The following ALK variants were observed in gnomAD, a reference collection of about 807,000 sequenced individuals.
ALK encodes the protein ALK tyrosine kinase receptor.
In ALK, 74 loss-of-function variants were observed where a neutral mutation model predicts 163.1. The ratio of observed to expected loss-of-function variants is 0.45; its 90% CI spans 0.38 to 0.55. The LOEUF (loss-of-function observed/expected upper bound fraction) is 0.55. Among genes scored for constraint, ALK ranks in the 20% least tolerant of loss-of-function variants. ALK has a pLI of 0.00. For synonymous variants in ALK, 960 were observed against 843.2 expected (o/e 1.14, Z -2.40); for missense variants, 2,063 against 2,105.3 (o/e 0.98, Z 0.39).
chr2:29,427,837 A>G (rs1027695226), intron 4 of ALK, among the ~76,000 whole-genome samples: 2 of 152,108 alleles, frequency 1.3e-5, no homozygotes, highest in African/African-American at 2.4e-5. Context: ...ATCTTCTTAA[A>G]TGCACAGGAA....
chr2:29,288,501 TCAGGTGGCC>T lies in ALK; in HGVS notation c.1817+8378_1817+8386del, dbSNP rs1227300402. Among the ~76,000 whole-genome samples the T allele has an allele frequency of 3.9e-5, 6 of 152,318 alleles. No homozygotes were observed. The East Asian group carries it at 1.2e-3, about 29-fold the overall frequency. ...GACCTCTTCACGGCTGACAGGGTCT[TCAGGTGGCC>T]CAGGCCTAGGCGCCATAGCACAGTT... is the stretch of plus-strand genomic sequence containing the variant. On this transcript the variant is annotated intron_variant, in intron 9 of 28. Coordinates refer to ENST00000389048, the MANE Select transcript of ALK (RefSeq NM_004304.5).
intron 3 of ALK, among the ~76,000 whole-genome samples, chr2:29,554,549 G>A (rs1200138788): frequency 1.3e-5 from 2 of 152,190 alleles, no homozygotes; most frequent in African/African-American, 4.8e-5. Context: ...GTAACCACTT[G>A]AATATCTGGA....
chr2:29,463,175 G>C (rs896842796), intron 4 of ALK, among the ~76,000 whole-genome samples: 43 of 152,180 alleles, frequency 2.8e-4, no homozygotes, highest in Non-Finnish European at 5.9e-4. Flanking sequence ...TTAGACCTTA[G>C]ATGGATTTTT....
At chr2:29,540,187 A>T (rs972891452) in intron 3 of ALK, among the ~76,000 whole-genome samples, 3 of 152,124 alleles carry the variant, frequency 2.0e-5, no homozygotes, top group Non-Finnish European at 4.4e-5. Context: ...GTCTGACCTG[A>T]TATCTTTTCT....
intron 6 of ALK, among the ~76,000 whole-genome samples, chr2:29,322,282 C>A (rs1199252237): frequency 6.6e-6 from 1 of 152,256 alleles, no homozygotes; most frequent in Non-Finnish European, 1.5e-5. Flanking sequence ...ATTCTCTGTG[C>A]ATTTCACACA....
intron 1 of ALK, among the ~76,000 whole-genome samples, chr2:29,827,337 C>T (rs900872500): frequency 5.9e-5 from 9 of 152,208 alleles, no homozygotes; most frequent in Non-Finnish European, 8.8e-5. Flanking sequence ...ATGCAAAACC[C>T]AATTGACCTT....
At chr2:29,288,285 C>T (rs999980417) in intron 9 of ALK, among the ~76,000 whole-genome samples, 12 of 152,132 alleles carry the variant, frequency 7.9e-5, no homozygotes, top group Non-Finnish European at 1.3e-4. Context: ...GCTCATTGAC[C>T]GGGTTTCTGT....
chr2:29,536,130 T>C (rs1381152644), intron 3 of ALK, among the ~76,000 whole-genome samples: 1 of 152,232 alleles, frequency 6.6e-6, no homozygotes, highest in East Asian at 1.9e-4. Flanking sequence ...TCAATGATCC[T>C]AAAAATCAAA....
At chr2:29,328,022 G>A (rs933306848) in intron 6 of ALK, among the ~76,000 whole-genome samples, 18 of 152,156 alleles carry the variant, frequency 1.2e-4, no homozygotes, top group African/African-American at 3.9e-4. Flanking sequence ...CTTGGAAGGC[G>A]AGGGAAGTCT....
chr2:29,475,774 G>C (rs1326933585), intron 4 of ALK, among the ~76,000 whole-genome samples: 1 of 152,204 alleles, frequency 6.6e-6, no homozygotes, highest in Non-Finnish European at 1.5e-5. Context: ...ACAGCGCTGA[G>C]GCCCCGATAA....
chr2:29,327,195 C>G (rs1473689657), intron 6 of ALK, among the ~76,000 whole-genome samples: 1 of 152,164 alleles, frequency 6.6e-6, no homozygotes, highest in Non-Finnish European at 1.5e-5. Context: ...GTCTACTCCG[C>G]CCCGACTGCC....
Position 29,227,286 on chromosome 2 carries a change from CT to C in ALK, c.2915-213del, listed in dbSNP as rs1664032368. 6.6e-6 allele frequency among the ~76,000 whole-genome samples: 1 copy of C among 152,180 alleles called. No homozygotes were observed. The highest frequency in any genetic ancestry group is 1.5e-5 in the Non-Finnish European group (1 of 68,026). On this transcript the variant is annotated intron_variant, in intron 17 of 28. Coordinates refer to ENST00000389048, the MANE Select transcript of ALK (RefSeq NM_004304.5). This position sits in a 1 kb window ranked among gnomAD's most constrained non-coding sequence, Gnocchi z 4.4. The stretch of plus-strand genomic sequence containing the variant: ...GGGCATGGGTGTCTATGGATGTTTG[CT>C]TTTGAGTCAGTGGTGGAGAGAAGCC...
intron 1 of ALK, among the ~76,000 whole-genome samples, chr2:29,800,656 A>T (rs1664443155): frequency 6.6e-6 from 1 of 152,166 alleles, no homozygotes; most frequent in Admixed American, 6.5e-5. Context: ...AGAGCCCTGG[A>T]GGCACTCAGG....
chr2:29,784,975 C>T (rs1205765464), intron 1 of ALK, among the ~76,000 whole-genome samples: 1 of 13,720 alleles, frequency 7.3e-5, no homozygotes, highest in Non-Finnish European at 1.7e-4. Context: ...GAATGTGCCT[C>T]TGACACAGAA....
chr2:29,288,951 C>CAAAAAAAAA (rs770578645), intron 9 of ALK, among the ~76,000 whole-genome samples: 18 of 24,202 alleles, frequency 7.4e-4, no homozygotes, highest in African/African-American at 1.0e-3. Flanking sequence ...GACTCCTTCT[C>CAAAAAAAAA]AAAAAAATAA....
intron 1 of ALK, among the ~76,000 whole-genome samples, chr2:29,720,840 C>A (rs1278963261): frequency 1.3e-5 from 2 of 152,182 alleles, no homozygotes; most frequent in South Asian, 4.2e-4. Flanking sequence ...CTAGAGAAAG[C>A]CTTGTCTTTT....
At chr2:29,760,424 G>C (rs1026296338) in intron 1 of ALK, among the ~76,000 whole-genome samples, 1 of 152,178 alleles carries the variant, frequency 6.6e-6, no homozygotes. Context: ...GTGAGAAAAT[G>C]CATTTAAGAG....
chr2:29,708,723 G>C (rs1169632648), intron 2 of ALK, among the ~76,000 whole-genome samples: 1 of 152,222 alleles, frequency 6.6e-6, no homozygotes, highest in Non-Finnish European at 1.5e-5. Context: ...GGTTAGGTGT[G>C]GGCTCTGCCA....
At chr2:29,522,116 G>C (rs906335088) in intron 4 of ALK, among the ~76,000 whole-genome samples, 1 of 152,156 alleles carries the variant, frequency 6.6e-6, no homozygotes. Context: ...TTATCAGCTG[G>C]CAATAGGGTA....
Sources: gnomAD v4.1 joint callset for allele counts (sites outside exome capture counted in the v4.1 genomes callset) on GRCh38, gnomAD v4.1.1 for gene constraint, Gnocchi (gnomAD v3.1) non-coding constraint, MANE v1.5 for transcripts, NCBI Gene and HGNC (gene_info 2026-07-23, HGNC 2026-07-21) for gene names.